Variants in SPINT2 observed in about 807,000 individuals in gnomAD.
SPINT2 encodes the protein kunitz-type protease inhibitor 2.
Under a neutral mutation model 30.1 loss-of-function variants are expected in SPINT2, and 18 were observed. That is an observed-to-expected ratio of 0.60 (90% CI 0.41 to 0.89). SPINT2 has a LOEUF of 0.89. Among genes scored for constraint, SPINT2 ranks in the 40% least tolerant of loss-of-function variants. The pLI is 0.00. For missense variants in SPINT2, 276 were observed against 334.3 expected (o/e 0.83, Z 1.36); for synonymous variants, 139 against 137.9 (o/e 1.01, Z -0.05).
At chr19:38,286,624 C>CA (rs571099613) in intron 2 of SPINT2, among the ~76,000 whole-genome samples, 166 of 151,352 alleles carry the variant, frequency 1.1e-3, no homozygotes, top group Non-Finnish European at 1.8e-3. Context: ...ACTCAAAATA[C>CA]AAAAAAAAAT....
rs1010756397 is a variant in SPINT2, at chr19:38,264,613, C to T, written c.-280C>T. 1.1e-5 allele frequency: 5 copies of T among 437,176 alleles called. No homozygotes were observed. The highest frequency in any genetic ancestry group is 2.1e-5 in the Non-Finnish European group (5 of 240,462). 27.1% of individuals were successfully genotyped at this position (437,176 alleles called of 1,614,324 possible). A position where few individuals can be genotyped will look rare whatever the true frequency, so the allele number is the denominator to read the frequency against. On this transcript the variant is annotated 5_prime_UTR_variant, in exon 1 of 7. Transcript: ENST00000301244. ...GACCTCCGCGCGTTGGGAGGTGTAG[C>T]GCGGCTCTGAACGCGCTGAGGGCCG...
Position 38,288,693 on chromosome 19 carries a change from C to T in SPINT2, c.338-445C>T, listed in dbSNP as rs1968673460. On this transcript the variant is annotated intron_variant, in intron 3 of 6. Coordinates refer to ENST00000301244, the MANE Select transcript of SPINT2 (RefSeq NM_021102.4). The stretch of plus-strand genomic sequence containing the variant: ...CCGGCTGGCTTGCAGAGTGCTGGGG[C>T]GTTAGGGTGGTCACTTTCCAGCTTT... 2.2e-5 allele frequency: 5 copies of T among 228,030 alleles called. No homozygotes were observed. The South Asian group carries it at 2.9e-4, about 13-fold the overall frequency. The allele number at this position is 228,030 out of a possible 1,614,324, so 14.1% of individuals were successfully genotyped here.
At chr19:38,265,385 G>C (rs1490755302) in intron 1 of SPINT2, 2 of 159,476 alleles carry the variant, frequency 1.3e-5, no homozygotes, top group Non-Finnish European at 2.8e-5. Flanking sequence ...TGAGATGGTG[G>C]GGGTTGGGTT....
At chr19:38,275,019 G>T (rs886930763) in intron 1 of SPINT2, among the ~76,000 whole-genome samples, 15 of 152,226 alleles carry the variant, frequency 9.9e-5, no homozygotes, top group Middle Eastern at 3.4e-3. Flanking sequence ...AAGCAGCTCT[G>T]CGAGCAATTT....
chr19:38,274,828 CAT>C (rs1968497643), intron 1 of SPINT2, among the ~76,000 whole-genome samples: 2 of 128,108 alleles, frequency 1.6e-5, no homozygotes, highest in African/African-American at 5.6e-5. Context: ...AAAAAAAAAA[CAT>C]AAAATGGAGA....
chr19:38,273,017 C>T (rs531467386), intron 1 of SPINT2, among the ~76,000 whole-genome samples: 4 of 152,146 alleles, frequency 2.6e-5, no homozygotes, highest in Non-Finnish European at 4.4e-5. Flanking sequence ...CCACCGTGCC[C>T]GGCCTGAAAT....
At position 38,281,413 on chromosome 19, in the gene SPINT2, A is replaced by G. The variant is rs117491414; in HGVS notation, c.107-2214A>G. ...AGGTGACAGAGGAAGACCCTATCTCAAAAACAATTATATAGGCCGGGCGCG... is the reference window on the plus strand; with the variant it reads ...AGGTGACAGAGGAAGACCCTATCTCGAAAACAATTATATAGGCCGGGCGCG... On this transcript the variant is annotated intron_variant, in intron 1 of 6. Coordinates refer to ENST00000301244, the MANE Select transcript of SPINT2 (RefSeq NM_021102.4). 5.3e-3 allele frequency among the ~76,000 whole-genome samples: 813 copies of G among 152,144 alleles called. 17 individuals are homozygous for G. The highest frequency in any genetic ancestry group is 0.036 in the East Asian group (184 of 5,170).
chr19:38,291,650 G>A lies in SPINT2; in HGVS notation c.593-190G>A, dbSNP rs1968720409. ...ATAGCATGGCGCCTCCTTTTTTGGG[G>A]GACTCTCCTTGGTGGCATCTCTGGC... On this transcript the variant is annotated intron_variant, in intron 6 of 6. Coordinates refer to ENST00000301244, the MANE Select transcript of SPINT2 (RefSeq NM_021102.4). 5.6e-5 allele frequency: 37 copies of A among 662,760 alleles called. No individual in the cohort carries two copies. The South Asian group carries it at 6.9e-4, about 12-fold the overall frequency. The allele number at this position is 662,760 out of a possible 1,614,324, so 41.1% of individuals were successfully genotyped here.
At chr19:38,267,630 G>A (rs916836887) in intron 1 of SPINT2, among the ~76,000 whole-genome samples, 1 of 149,816 alleles carries the variant, frequency 6.7e-6, no homozygotes, top group Non-Finnish European at 1.5e-5. Context: ...ACAGGTCTAG[G>A]TGTGACCCTG....
At chr19:38,291,680 T>C in intron 6 of SPINT2, 160 bp from the exon 7 acceptor site, 2 of 832,706 alleles carry the variant, frequency 2.4e-6, no homozygotes, top group South Asian at 1.8e-5. Context: ...TCTGGCAGGC[T>C]GTGTCCTCTC....
At chr19:38,270,964 C>T (rs909124625) in intron 1 of SPINT2, among the ~76,000 whole-genome samples, 37 of 152,174 alleles carry the variant, frequency 2.4e-4, no homozygotes, top group Non-Finnish European at 8.8e-5. Flanking sequence ...GTGTGGATTC[C>T]GATGTCCTGC....
At chr19:38,289,356 C>T (rs929471460) in intron 4 of SPINT2, 165 bp downstream of exon 4, 6 of 584,314 alleles carry the variant, frequency 1.0e-5, no homozygotes, top group African/African-American at 9.3e-5. Flanking sequence ...TAGTGGCATG[C>T]ACCTGTAGTC....
chr19:38,276,935 A>G (rs1420122297), intron 1 of SPINT2, among the ~76,000 whole-genome samples: 1 of 151,812 alleles, frequency 6.6e-6, no homozygotes, highest in Non-Finnish European at 1.5e-5. Context: ...CGAGGAGCTG[A>G]GACTACAGGC....
At chr19:38,284,916 A>T (rs994638932) in intron 2 of SPINT2, among the ~76,000 whole-genome samples, 1 of 151,962 alleles carries the variant, frequency 6.6e-6, no homozygotes, top group Non-Finnish European at 1.5e-5. Context: ...GGGTTTCGCT[A>T]TGTTGGCCAA....
rs909316199 is a variant in SPINT2, at chr19:38,287,970, C to G, written c.337+35C>G. 5.0e-6 allele frequency: 8 copies of G among 1,603,712 alleles called. No individual in the cohort carries two copies. The South Asian group carries it at 8.8e-5, about 18-fold the overall frequency. ...TAAAGAGACCCGCGATGGAGTGAGG[C>G]CACCGGATGGGTCATTGTGAAAGGA... On this transcript the variant is annotated intron_variant, in intron 3 of 6. Transcript: ENST00000301244.
intron 1 of SPINT2, among the ~76,000 whole-genome samples, chr19:38,273,516 G>A (rs772449862): frequency 1.3e-5 from 2 of 152,230 alleles, no homozygotes; most frequent in Non-Finnish European, 2.9e-5. Flanking sequence ...CTCTTTTTAA[G>A]ATGCTCTCAT....
chr19:38,283,727 G>T lies in SPINT2; in HGVS notation c.207G>T (p.Gly69=), dbSNP rs746544799. The change falls in exon 2 of 7, where the codon GGG becomes GGT. Residue 69 remains glycine, a synonymous_variant. Transcript: ENST00000301244. The stretch of plus-strand genomic sequence containing the variant: ...GATCCTGCCAGCTGTTTGTGTATGG[G>T]GGCTGTGACGGAAACAGCAATAATT... The part of the protein sequence containing the change: ...TDGSCQLFVY[G]GCDGNSNNYL... 6.2e-7 allele frequency: 1 copy of T among 1,614,152 alleles called. No individual in the cohort carries two copies. The highest frequency in any genetic ancestry group is 8.5e-7 in the Non-Finnish European group (1 of 1,180,030).
At chr19:38,276,935 A>T (rs1420122297) in intron 1 of SPINT2, among the ~76,000 whole-genome samples, 2 of 151,690 alleles carry the variant, frequency 1.3e-5, no homozygotes, top group Admixed American at 1.3e-4. Context: ...CGAGGAGCTG[A>T]GACTACAGGC....
chr19:38,287,433 G>A (rs1026123014), intron 2 of SPINT2, among the ~76,000 whole-genome samples: 10 of 152,090 alleles, frequency 6.6e-5, no homozygotes, highest in Non-Finnish European at 1.5e-4. Context: ...CCCTGACCTC[G>A]CGATCTGCCC....
Sources: gnomAD v4.1 joint callset for allele counts (sites outside exome capture counted in the v4.1 genomes callset) on GRCh38, gnomAD v4.1.1 for gene constraint, MANE v1.5 for transcripts, NCBI Gene and HGNC (gene_info 2026-07-23, HGNC 2026-07-21) for gene names.